CTRL: variants seen among roughly 807,000 people sequenced by gnomAD.
The protein encoded by CTRL is chymotrypsin-like protease CTRL-1.
A neutral mutation model predicts 35.5 loss-of-function variants in CTRL; 38 were observed. The ratio of observed to expected loss-of-function variants is 1.07; its 90% CI spans 0.83 to 1.40. The LOEUF is 1.40. CTRL is among the 40% of genes most tolerant of loss of function. The probability of loss-of-function intolerance (pLI) is 0.00; values close to 1 mark genes in which losing one functional copy is unlikely to be tolerated. For missense variants in CTRL, 327 were observed against 342.9 expected (o/e 0.95, Z 0.37); for synonymous variants, 155 against 141.1 (o/e 1.10, Z -0.70).
At chr16:67,931,463 C>T (rs1598197756) in intron 1 of CTRL, 2 of 597,598 alleles carry the variant, frequency 3.3e-6, no homozygotes, top group Non-Finnish European at 6.0e-6. Flanking sequence ...TACCCCTGGT[C>T]TCTCTGCCCC....
Position 67,930,401 on chromosome 16 carries a change from T to G in CTRL, c.499+7A>C. 1.2e-6 allele frequency: 2 copies of G among 1,612,810 alleles called. No individual in the cohort carries two copies. Among genetic ancestry groups the G allele is most frequent in the Non-Finnish European group, 1.7e-6 (2 of 1,179,198 alleles). Reference sequence around the variant, plus strand: ...CTCCCACCCTGAGCTTTGGCCTGAGTCCCTACCCACGCCACTGAGGCGACC... The same window carrying G: ...CTCCCACCCTGAGCTTTGGCCTGAGGCCCTACCCACGCCACTGAGGCGACC... On this transcript the variant is annotated splice_region_variant and intron_variant, in intron 5 of 6. Coordinates refer to ENST00000574481, the MANE Select transcript of CTRL (RefSeq NM_001907.3). The surrounding 1 kb of genome is among the most constrained non-coding windows in gnomAD (Gnocchi z 4.3).
chr16:67,931,630 C>A (rs981910495), intron 1 of CTRL, 171 bp downstream of exon 1: 17 of 750,966 alleles, frequency 2.3e-5, no homozygotes, highest in Non-Finnish European at 3.6e-5. Context: ...CCTCTTGCCC[C>A]CTCCCAGCCC....
chr16:67,931,761 G>C (rs768612097), intron 1 of CTRL, 40 bp downstream of exon 1: 1 of 1,552,328 alleles, frequency 6.4e-7, no homozygotes, highest in South Asian at 1.2e-5. Context: ...GAGCTGAGTT[G>C]CTCCCAGGGC....
chr16:67,931,079 C>A lies in CTRL; in HGVS notation c.156+19G>T, dbSNP rs1417539644. ...GGCATGACGTACCCAGGACCCTGCC[C>A]ACCCCTCTGGTGGTGTACCTGCAGG... On this transcript the variant is annotated intron_variant, in intron 2 of 6. Transcript: ENST00000574481. The A allele has an allele frequency of 1.9e-6, 3 of 1,613,826 alleles. No homozygotes were observed.
At position 67,930,133 on chromosome 16, in the gene CTRL, GT is replaced by G. The variant is rs575916915; in HGVS notation, c.634-39del. On this transcript the variant is annotated intron_variant, in intron 6 of 6. Coordinates refer to ENST00000574481, the MANE Select transcript of CTRL (RefSeq NM_001907.3). The surrounding 1 kb of genome is among the most constrained non-coding windows in gnomAD (Gnocchi z 4.3). ...AGGGAGGGAGAATTGAGTAGGGGGG[GT>G]TGGGGAGGTATACCACAGGACAGCG... 3.7e-6 allele frequency: 6 copies of G among 1,613,580 alleles called. No homozygotes were observed. Among genetic ancestry groups the G allele is most frequent in the African/African-American group, 1.3e-5 (1 of 74,890 alleles).
In CTRL at chr16:67,930,994, G is replaced by A. The variant is rs139366508; in HGVS notation, c.162C>T (p.Ser54=). The change falls in exon 3 of 7, where the codon AGC becomes AGT. Residue 54 remains serine, a synonymous_variant. Transcript: ENST00000574481. This position sits in a 1 kb window ranked among gnomAD's most constrained non-coding sequence, Gnocchi z 4.3. ...AACCACCGCAGAAGTGGAAGCCGCTGCTGTCCTGTGGTCAGGGCTCAGAGG... is the reference window on the plus strand; with the variant it reads ...AACCACCGCAGAAGTGGAAGCCGCTACTGTCCTGTGGTCAGGGCTCAGAGG... ...SWPWQVSLQD[S]SGFHFCGGSL... 200 of 1,613,882 alleles carry A rather than the reference G, an allele frequency of 1.2e-4. No individual in the cohort carries two copies. The highest frequency in any genetic ancestry group is 1.5e-4 in the Non-Finnish European group (182 of 1,180,024).
chr16:67,930,850 G>T lies in CTRL; in HGVS notation c.237-43C>A. On this transcript the variant is annotated intron_variant, in intron 3 of 6. Transcript: ENST00000574481. The surrounding 1 kb of genome is among the most constrained non-coding windows in gnomAD (Gnocchi z 4.3). Reference sequence around the variant, plus strand: ...TAGGCAGCTGCAGGGAGGCCAGCGCGAGAGGGGGACAGCCAGGGGAGGAGG... The same window carrying T: ...TAGGCAGCTGCAGGGAGGCCAGCGCTAGAGGGGGACAGCCAGGGGAGGAGG... 6.2e-7 allele frequency: 1 copy of T among 1,613,098 alleles called. No individual in the cohort carries two copies. Among genetic ancestry groups the T allele is most frequent in the South Asian group, 1.1e-5 (1 of 91,064 alleles).
At chr16:67,931,436 C>T in intron 1 of CTRL, 1 of 605,142 alleles carries the variant, frequency 1.7e-6, no homozygotes, top group Non-Finnish European at 2.9e-6. Flanking sequence ...AGCCTAGTCC[C>T]CGCTGTTCCC....
Position 67,931,844 on chromosome 16 carries a change from C to T in CTRL, c.9G>A (p.Leu3=), listed in dbSNP as rs1376492469. Residue 3 remains leucine (L), a synonymous_variant, in exon 1 of 7, where the codon CTG becomes CTA. Transcript: ENST00000574481. Reference sequence around the variant, plus strand: ...GAACCAGGCTTAGGGTCAGGCTGAGCAGCAACATCGTGGCAGATGTGAGGT... The same window carrying T: ...GAACCAGGCTTAGGGTCAGGCTGAGTAGCAACATCGTGGCAGATGTGAGGT... ML[L]LSLTLSLVLL... is the part of the protein sequence containing the mutation. The T allele has an allele frequency of 1.0e-5, 16 of 1,571,776 alleles. No homozygotes were observed. Among genetic ancestry groups the T allele is most frequent in the Non-Finnish European group, 1.3e-5 (15 of 1,158,666 alleles).
rs761078431 is a variant in CTRL, at chr16:67,930,661, C to T, written c.318+65G>A. On this transcript the variant is annotated intron_variant, in intron 4 of 6. Coordinates refer to ENST00000574481, the MANE Select transcript of CTRL (RefSeq NM_001907.3). This position sits in a 1 kb window ranked among gnomAD's most constrained non-coding sequence, Gnocchi z 4.3. ...AGGCCAGGGCATGTCCTGAATTCCT[C>T]GTTCCCAGCACCCACCCACCTGCAC... 105 of 1,607,266 alleles carry T rather than the reference C, an allele frequency of 6.5e-5. 2 individuals are homozygous for T. The South Asian group carries it at 9.0e-4, about 14-fold the overall frequency.
In CTRL at chr16:67,930,499, G is replaced by A. The variant is rs781710033; in HGVS notation, c.408C>T (p.Arg136=). The change falls in exon 5 of 7, where the codon CGC becomes CGT. Residue 136 remains arginine, a synonymous_variant. Transcript: ENST00000574481. This position sits in a 1 kb window ranked among gnomAD's most constrained non-coding sequence, Gnocchi z 4.3. The part of the protein sequence containing the change: ...KLASPAQYTT[R]ISPVCLASSN... ...AGGATGCCAGGCAAACTGGCGAGATGCGTGTTGTGTACTGGGCTGGCGAGG... is the reference window on the plus strand; with the variant it reads ...AGGATGCCAGGCAAACTGGCGAGATACGTGTTGTGTACTGGGCTGGCGAGG... The A allele has an allele frequency of 1.9e-6, 3 of 1,614,070 alleles. No individual in the cohort carries two copies. The highest frequency in any genetic ancestry group is 2.5e-6 in the Non-Finnish European group (3 of 1,180,036).
chr16:67,931,160 G>A lies in CTRL; in HGVS notation c.94C>T (p.Gln32Ter). The A allele has an allele frequency of 6.2e-7, 1 of 1,614,136 alleles. No individual in the cohort carries two copies. Among genetic ancestry groups the A allele is most frequent in the Non-Finnish European group, 8.5e-7 (1 of 1,180,006 alleles). ...PAIKPALSFS[Q>*]RIVNGENAVL... is the part of the protein sequence containing the mutation. ...GCATTCTCCCCGTTGACAATCCTCT[G>A]GCTGAAGCTCAGTGCCGGTTTGATG... Residue 32 changes from glutamine (Q) to a stop codon, truncating the protein, a stop_gained, in exon 2 of 7, where the codon CAG (glutamine) becomes TAG (stop). Coordinates refer to ENST00000574481, the MANE Select transcript of CTRL (RefSeq NM_001907.3). LOFTEE classifies it high-confidence loss of function.
chr16:67,931,320 C>T, intron 1 of CTRL, 119 bp from the exon 2 acceptor site: 3 of 936,040 alleles, frequency 3.2e-6, no homozygotes, highest in Non-Finnish European at 5.0e-6. Context: ...ACAGCACTAC[C>T]CCTTCCCCAA....
In CTRL at chr16:67,930,101, A is replaced by T; in HGVS notation, c.634-6T>A. 6.2e-7 allele frequency: 1 copy of T among 1,613,656 alleles called. No homozygotes were observed. ...AGAGGGCCTCCGGAGTCACCCTGAG[A>T]GGGAAGAGGGAGGGAGAATTGAGTA... On this transcript the variant is annotated splice_region_variant and splice_polypyrimidine_tract_variant and intron_variant, in intron 6 of 6. Coordinates refer to ENST00000574481, the MANE Select transcript of CTRL (RefSeq NM_001907.3). This position sits in a 1 kb window ranked among gnomAD's most constrained non-coding sequence, Gnocchi z 4.3.
At chr16:67,931,428 C>G (rs557533533) in intron 1 of CTRL, 1 of 609,444 alleles carries the variant, frequency 1.6e-6, no homozygotes, top group South Asian at 1.9e-5. Context: ...CTGTCTCCAG[C>G]CTAGTCCCCG....
Position 67,930,006 on chromosome 16 carries a change from C to T in CTRL, c.723G>A (p.Val241=), listed in dbSNP as rs746689552. The change falls in exon 7 of 7, where the codon GTG becomes GTA. Residue 241 remains valine, a synonymous_variant. Coordinates refer to ENST00000574481, the MANE Select transcript of CTRL (RefSeq NM_001907.3). This position sits in a 1 kb window ranked among gnomAD's most constrained non-coding sequence, Gnocchi z 4.3. ...IVSWGTKNCN[V]RAPAVYTRVS... ...CTCGAGTATACACAGCAGGTGCGCG[C>T]ACATTGCAGTTTTTGGTGCCCCAGG... 11 of 1,614,146 alleles carry T rather than the reference C, an allele frequency of 6.8e-6. No individual in the cohort carries two copies. In the East Asian group the frequency reaches 2.5e-4, roughly 36 times the overall value.
Position 67,931,216 on chromosome 16 carries a change from A to C in CTRL, c.53-15T>G. ...AATGCCGCAGCCTGGCCATTGGGCTAATGAGGACCTGCTTCCCATGCCTCA... is the reference window on the plus strand; with the variant it reads ...AATGCCGCAGCCTGGCCATTGGGCTCATGAGGACCTGCTTCCCATGCCTCA... On this transcript the variant is annotated splice_polypyrimidine_tract_variant and intron_variant, in intron 1 of 6. Coordinates refer to ENST00000574481, the MANE Select transcript of CTRL (RefSeq NM_001907.3). 2 of 1,613,516 alleles carry C rather than the reference A, an allele frequency of 1.2e-6. No homozygotes were observed. The highest frequency in any genetic ancestry group is 1.7e-6 in the Non-Finnish European group (2 of 1,179,700).
In CTRL at chr16:67,931,437, C is replaced by T. The variant is rs144623336; in HGVS notation, c.53-236G>A. Reference sequence around the variant, plus strand: ...CTACATCTGTCTCCAGCCTAGTCCCCGCTGTTCCCCATCTCTACCCCTGGT... The same window carrying T: ...CTACATCTGTCTCCAGCCTAGTCCCTGCTGTTCCCCATCTCTACCCCTGGT... On this transcript the variant is annotated intron_variant, in intron 1 of 6. Transcript: ENST00000574481. 1,354 of 604,538 alleles carry T rather than the reference C, an allele frequency of 2.2e-3. 17 individuals are homozygous for T. The African/African-American group carries it at 0.023, about 10-fold the overall frequency. The allele number at this position is 604,538 out of a possible 1,614,324, so 37.4% of individuals were successfully genotyped here.
rs777238800 is a variant in CTRL, at chr16:67,929,943, G to C, written c.786C>G (p.Ala262=). ...KFSTWINQVI[A]YN ...AGGGCCTGTGGTGAGCTCAGTTGTA[G>C]GCTATGACCTGGTTGATCCAGGTGC... is the stretch of plus-strand genomic sequence containing the variant. Residue 262 remains alanine, a synonymous_variant, in exon 7 of 7, where the codon GCC becomes GCG. Coordinates refer to ENST00000574481, the MANE Select transcript of CTRL (RefSeq NM_001907.3). 3.1e-6 allele frequency: 5 copies of C among 1,614,004 alleles called. No individual in the cohort carries two copies. The highest frequency in any genetic ancestry group is 1.6e-4 in the Middle Eastern group (1 of 6,082).
Sources: allele counts gnomAD v4.1 joint callset, GRCh38; gene constraint gnomAD v4.1.1; non-coding constraint Gnocchi (gnomAD v3.1); transcripts MANE v1.5; gene names NCBI Gene and HGNC (gene_info 2026-07-23, HGNC 2026-07-21).